The following SHISA9 variants were observed in gnomAD, a reference collection of about 807,000 sequenced individuals.
The protein encoded by SHISA9 is shisa family member 9, also known as protein shisa-9.
A neutral mutation model predicts 38.0 loss-of-function variants in SHISA9; 13 were observed. The observed-to-expected ratio is 0.34, with a 90% CI of 0.22 to 0.54. The LOEUF (loss-of-function observed/expected upper bound fraction) is 0.54, where lower values mean the gene tolerates loss of function less well. SHISA9 is among the 20% of genes least tolerant of loss of function. The probability of loss-of-function intolerance (pLI) is 0.91; values close to 1 mark genes in which losing one functional copy is unlikely to be tolerated. For synonymous variants in SHISA9, 275 were observed against 242.0 expected, an observed-to-expected ratio of 1.14 and a Z score of -1.27; for missense variants, 538 against 575.8, an observed-to-expected ratio of 0.93 and a Z score of 0.67.
intron 2 of SHISA9, among the ~76,000 whole-genome samples, chr16:13,007,911 A>G (rs2072619143): frequency 6.6e-6 from 1 of 152,050 alleles, no homozygotes; most frequent in African/African-American, 2.4e-5. Flanking sequence ...TAGTATTCCC[A>G]GGGTCTTGCA....
chr16:13,558,153 T>C, the SHISA9 span, among the ~76,000 whole-genome samples: 4 of 151,996 alleles, frequency 2.6e-5, no homozygotes, highest in Non-Finnish European at 5.9e-5. Flanking sequence ...ATGCTTGCTT[T>C]GCCCCGAGTT....
chr16:13,128,083 G>A (rs538376547), intron 2 of SHISA9, among the ~76,000 whole-genome samples: 1 of 152,240 alleles, frequency 6.6e-6, no homozygotes, highest in Admixed American at 6.5e-5. Flanking sequence ...ATGCCCAGAC[G>A]GAGTTTAAAT....
At chr16:12,918,680 T>G (rs2071289579) in intron 2 of SHISA9, among the ~76,000 whole-genome samples, 1 of 152,234 alleles carries the variant, frequency 6.6e-6, no homozygotes, top group South Asian at 2.1e-4. Context: ...TATTTGTGCC[T>G]AAGTAATCAG....
intron 2 of SHISA9, among the ~76,000 whole-genome samples, chr16:13,074,282 T>C (rs1310042724): frequency 6.6e-6 from 1 of 152,050 alleles, no homozygotes; most frequent in Non-Finnish European, 1.5e-5. Flanking sequence ...TTCTGCTGTT[T>C]TAAAGCACAC....
intron 2 of SHISA9, among the ~76,000 whole-genome samples, chr16:12,994,385 A>G (rs2072430259): frequency 6.6e-6 from 1 of 152,196 alleles, no homozygotes; most frequent in African/African-American, 2.4e-5. Context: ...TCCTTACTCC[A>G]CTGATGCTGG....
the SHISA9 span, among the ~76,000 whole-genome samples, chr16:13,412,110 C>A: frequency 9.2e-5 from 14 of 152,084 alleles, no homozygotes; most frequent in African/African-American, 3.1e-4. Context: ...AATGTAAGTA[C>A]AGAAAGGGAC....
chr16:13,236,574 CTGT>C lies in SHISA9; in HGVS notation c.*1170_*1172del, dbSNP rs2051386854. 6.6e-6 allele frequency: 1 copy of C among 152,246 alleles called. No homozygotes were observed. Among genetic ancestry groups the C allele is most frequent in the Non-Finnish European group, 1.5e-5 (1 of 68,056 alleles). 9.4% of individuals were successfully genotyped at this position (152,246 alleles called of 1,614,324 possible). A position where few individuals can be genotyped will look rare whatever the true frequency, so the allele number is the denominator to read the frequency against. The stretch of plus-strand genomic sequence containing the variant: ...CGTGGGTGGTGCCTTCAATGTGTTA[CTGT>C]TGTTTAATGACAGTCTTGTTTCCCA... On this transcript the variant is annotated 3_prime_UTR_variant, in exon 5 of 5. Coordinates refer to ENST00000558583, the MANE Select transcript of SHISA9 (RefSeq NM_001145204.3).
chr16:13,019,083 T>G (rs2072790974), intron 2 of SHISA9, among the ~76,000 whole-genome samples: 1 of 152,192 alleles, frequency 6.6e-6, no homozygotes, highest in Non-Finnish European at 1.5e-5. Flanking sequence ...GATTGCAACC[T>G]CCACCTCCCC....
the SHISA9 span, among the ~76,000 whole-genome samples, chr16:13,508,908 C>T: frequency 2.0e-5 from 3 of 152,112 alleles, no homozygotes; most frequent in South Asian, 2.1e-4. Flanking sequence ...GGCAATTGTA[C>T]AAAATGATTG....
chr16:13,135,581 C>G (rs895904013), intron 2 of SHISA9, among the ~76,000 whole-genome samples: 2 of 152,220 alleles, frequency 1.3e-5, no homozygotes, highest in African/African-American at 4.8e-5. Context: ...ACTTCTCCCT[C>G]TGCCCAATCT....
chr16:13,041,562 G>A (rs2141888639), intron 2 of SHISA9, among the ~76,000 whole-genome samples: 1 of 152,300 alleles, frequency 6.6e-6, no homozygotes, highest in South Asian at 2.1e-4. Context: ...GGGGCTATAT[G>A]TAGCTACCCT....
chr16:13,473,098 G>A, the SHISA9 span, among the ~76,000 whole-genome samples: 1 of 152,096 alleles, frequency 6.6e-6, no homozygotes, highest in South Asian at 2.1e-4. Flanking sequence ...CTAACTTTCT[G>A]TCTCTGTAAG....
intron 1 of SHISA9, chr16:12,911,583 C>T (rs963009048): frequency 2.4e-5 from 4 of 164,276 alleles, no homozygotes; most frequent in Non-Finnish European, 5.0e-5. Flanking sequence ...TAGTTACTAT[C>T]TCAATGCATA....
chr16:13,351,384 G>A, the SHISA9 span, among the ~76,000 whole-genome samples: 1 of 152,172 alleles, frequency 6.6e-6, no homozygotes, highest in African/African-American at 2.4e-5. Context: ...ACTGGTGGGT[G>A]GCAGGAAAGG....
chr16:13,412,299 G>A, the SHISA9 span, among the ~76,000 whole-genome samples: 1 of 152,282 alleles, frequency 6.6e-6, no homozygotes, highest in Non-Finnish European at 1.5e-5. Flanking sequence ...AGTTACATGG[G>A]CTGGGAGTAG....
chr16:13,286,965 T>C, the SHISA9 span, among the ~76,000 whole-genome samples: 1 of 152,250 alleles, frequency 6.6e-6, no homozygotes, highest in South Asian at 2.1e-4. Flanking sequence ...GGAGTGTGGG[T>C]ATATGATTGT....
chr16:13,212,715 G>C (rs2051132304), intron 3 of SHISA9, among the ~76,000 whole-genome samples: 1 of 151,990 alleles, frequency 6.6e-6, no homozygotes, highest in Non-Finnish European at 1.5e-5. Context: ...AGGTACTGTG[G>C]TAAGGTAGCC....
At chr16:13,477,679 A>G in the SHISA9 span, among the ~76,000 whole-genome samples, 6 of 152,210 alleles carry the variant, frequency 3.9e-5, no homozygotes, top group Admixed American at 3.3e-4. Context: ...CAAAGGCTAT[A>G]TTGGGCCAGG....
chr16:13,075,357 G>A (rs2073568229), intron 2 of SHISA9, among the ~76,000 whole-genome samples: 2 of 152,180 alleles, frequency 1.3e-5, no homozygotes, highest in African/African-American at 4.8e-5. Context: ...GAGGCTGGCT[G>A]GCAGGAGGAG....
Sources: gnomAD v4.1 joint callset for allele counts (sites outside exome capture counted in the v4.1 genomes callset) on GRCh38, gnomAD v4.1.1 for gene constraint, MANE v1.5 for transcripts, NCBI Gene and HGNC (gene_info 2026-07-23, HGNC 2026-07-21) for gene names.